The following IRAK2 variants were observed in gnomAD, a reference collection of about 807,000 sequenced individuals.
IRAK2 encodes interleukin-1 receptor-associated kinase-like 2.
In IRAK2, 57 loss-of-function variants were observed where a neutral mutation model predicts 72.0. That is an observed-to-expected ratio of 0.79 (90% CI 0.64 to 0.99). IRAK2 has a LOEUF of 0.99. IRAK2 is among the 50% of genes least tolerant of loss of function. The pLI, the probability that IRAK2 is intolerant of heterozygous loss-of-function variation, is 0.00. For missense variants in IRAK2, 790 were observed against 794.4 expected, an observed-to-expected ratio of 0.99 and a Z score of 0.07; for synonymous variants, 293 against 312.7, an observed-to-expected ratio of 0.94 and a Z score of 0.67.
At chr3:10,180,538 G>C (rs1396901596) in intron 2 of IRAK2, among the ~76,000 whole-genome samples, 1 of 152,142 alleles carries the variant, frequency 6.6e-6, no homozygotes, top group East Asian at 1.9e-4. Flanking sequence ...GGGCCAGCAT[G>C]TGCAAGGGCC....
intron 9 of IRAK2, among the ~76,000 whole-genome samples, chr3:10,224,718 A>AT (rs1697745716): frequency 2.1e-5 from 1 of 48,262 alleles, no homozygotes; most frequent in African/African-American, 9.0e-5. Context: ...CCACCCTCCC[A>AT]CCCACATACC....
intron 10 of IRAK2, among the ~76,000 whole-genome samples, chr3:10,233,793 ACT>A (rs1296008661): frequency 6.6e-6 from 1 of 152,062 alleles, no homozygotes; most frequent in Non-Finnish European, 1.5e-5. Flanking sequence ...GTCAGATGTC[ACT>A]CTCTGTGCTT....
At chr3:10,184,938 C>T (rs531024480) in intron 2 of IRAK2, among the ~76,000 whole-genome samples, 18 of 150,402 alleles carry the variant, frequency 1.2e-4, no homozygotes, top group South Asian at 6.3e-4. Context: ...GGGGTTTCAC[C>T]GTGTTAGCCA....
At chr3:10,200,887 C>T (rs1159177332) in intron 3 of IRAK2, among the ~76,000 whole-genome samples, 4 of 152,188 alleles carry the variant, frequency 2.6e-5, no homozygotes, top group South Asian at 2.1e-4. Flanking sequence ...GGTGACAGAG[C>T]GAGACTCTTC....
intron 2 of IRAK2, among the ~76,000 whole-genome samples, chr3:10,189,451 T>A (rs1263908495): frequency 6.6e-6 from 1 of 152,158 alleles, no homozygotes; most frequent in Non-Finnish European, 1.5e-5. Flanking sequence ...TTTTGGCCAC[T>A]ATATGGACTG....
At chr3:10,172,621 C>T (rs1414789184) in intron 1 of IRAK2, among the ~76,000 whole-genome samples, 2 of 146,860 alleles carry the variant, frequency 1.4e-5, no homozygotes, top group South Asian at 2.2e-4. Flanking sequence ...GGGTGGATCA[C>T]GAGGTCAGGA....
chr3:10,177,727 C>A, intron 1 of IRAK2, 111 bp from the exon 2 acceptor site: 4 of 1,013,010 alleles, frequency 3.9e-6, no homozygotes, highest in Non-Finnish European at 6.1e-6. Flanking sequence ...AGTGTGGAGG[C>A]GGTGGTTGGG....
rs1349978361 is a variant in IRAK2 at position 10,239,992 on chromosome 3, C to CAA, written c.1765+957_1765+958dup. Reference sequence around the variant, plus strand: ...TGAAACCCTGTCTCTACTAAAAATACAAAAATTAGCTAGGCATGGTGGCGT... The same window carrying CAA: ...TGAAACCCTGTCTCTACTAAAAATACAAAAAAATTAGCTAGGCATGGTGGCGT... On this transcript the variant is annotated intron_variant, in intron 12 of 12. Transcript: ENST00000256458. Among the ~76,000 whole-genome samples the CAA allele has an allele frequency of 6.2e-5, 9 of 144,022 alleles. No homozygotes were observed. The East Asian group carries it at 1.1e-3, about 18-fold the overall frequency. The allele number at this position is 144,022 out of a possible 152,430, so 94.5% of individuals were successfully genotyped here. A position where few individuals can be genotyped will look rare whatever the true frequency, so the allele number is the denominator to read the frequency against.
rs778658566 is a variant in IRAK2, at chr3:10,219,789, G to A, written c.1013G>A (p.Ser338Asn). 16 of 1,606,496 alleles carry A rather than the reference G, an allele frequency of 1.0e-5. No homozygotes were observed. The highest frequency in any genetic ancestry group is 2.2e-5 in the East Asian group (1 of 44,850). Residue 338 changes from serine to asparagine, a missense_variant and splice_region_variant, in exon 8 of 13, where the codon AGC (serine) becomes AAC (asparagine). Ser to Asn is a conservative substitution (Grantham distance 46). Transcript: ENST00000256458. Reference protein sequence around the residue: ...GLEIIHSNVKSSNVLLDQNLT... With the variant: ...GLEIIHSNVKNSNVLLDQNLT... ...GAGATCATCCACAGCAACGTCAAGA[G>A]GTGAGAGAGGTGGGCTGGACCCTGC...
chr3:10,241,628 G>C (rs1698062458), intron 12 of IRAK2, among the ~76,000 whole-genome samples: 1 of 150,900 alleles, frequency 6.6e-6, no homozygotes, highest in South Asian at 2.1e-4. Flanking sequence ...CGGGCGTGGT[G>C]GCTCACGCCT....
At chr3:10,196,024 C>T (rs553181500) in intron 2 of IRAK2, among the ~76,000 whole-genome samples, 2 of 152,302 alleles carry the variant, frequency 1.3e-5, no homozygotes, top group South Asian at 4.1e-4. Flanking sequence ...TTCTGTGCAC[C>T]CTGGGAGCGA....
intron 9 of IRAK2, among the ~76,000 whole-genome samples, chr3:10,224,949 G>A (rs1280441679): frequency 6.6e-6 from 1 of 151,104 alleles, no homozygotes; most frequent in Non-Finnish European, 1.5e-5. Flanking sequence ...CCTCTATAAA[G>A]GACTTGGCTC....
intron 1 of IRAK2, 100 bp downstream of exon 1, chr3:10,165,148 C>A: frequency 9.7e-7 from 1 of 1,036,232 alleles, no homozygotes. Context: ...CCGGGTTCAG[C>A]GGGTCCCGAT....
At chr3:10,205,527 T>C (rs1312105255) in intron 3 of IRAK2, among the ~76,000 whole-genome samples, 1 of 152,180 alleles carries the variant, frequency 6.6e-6, no homozygotes, top group Non-Finnish European at 1.5e-5. Context: ...TCATGACTTG[T>C]GTGAGGCAAG....
intron 2 of IRAK2, among the ~76,000 whole-genome samples, chr3:10,178,805 T>A (rs1382178032): frequency 6.6e-6 from 1 of 151,952 alleles, no homozygotes; most frequent in Non-Finnish European, 1.5e-5. Flanking sequence ...ATTCCTTTTT[T>A]AAAAACTTTT....
intron 2 of IRAK2, among the ~76,000 whole-genome samples, chr3:10,192,828 A>T (rs1476896825): frequency 3.9e-5 from 6 of 152,228 alleles, no homozygotes; most frequent in African/African-American, 1.4e-4. Context: ...GTGAGGTAGG[A>T]CAATCGCTTG....
intron 4 of IRAK2, among the ~76,000 whole-genome samples, chr3:10,211,317 T>C (rs1697517573): frequency 6.6e-6 from 1 of 151,992 alleles, no homozygotes; most frequent in South Asian, 2.1e-4. Flanking sequence ...AATTTTTGTA[T>C]TTTTAGTAGA....
chr3:10,168,250 G>A (rs113074506), intron 1 of IRAK2, among the ~76,000 whole-genome samples: 25,930 of 148,066 alleles, frequency 0.18, 2,561 homozygotes, highest in Admixed American at 0.26. Flanking sequence ...TCGCTCTGTC[G>A]CTGAGGCTGG....
chr3:10,216,427 A>T (rs1264573266), intron 6 of IRAK2, among the ~76,000 whole-genome samples: 2 of 152,164 alleles, frequency 1.3e-5, no homozygotes, highest in Admixed American at 1.3e-4. Flanking sequence ...GAGGAGCAAC[A>T]TACAAAACAA....
Sources: allele counts gnomAD v4.1 joint callset (sites outside exome capture counted in the v4.1 genomes callset), GRCh38; gene constraint gnomAD v4.1.1; transcripts MANE v1.5; gene names NCBI Gene and HGNC (gene_info 2026-07-23, HGNC 2026-07-21).